CDH22: variants seen among roughly 807,000 people sequenced by gnomAD.
The protein encoded by CDH22 is cadherin-22.
A neutral mutation model predicts 58.4 loss-of-function variants in CDH22; 30 were observed. The observed-to-expected ratio is 0.51, with a 90% CI of 0.38 to 0.70. The LOEUF is 0.70. Ranked by LOEUF, CDH22 falls within the 30% of genes least tolerant of loss-of-function variation. The pLI, the probability that CDH22 is intolerant of heterozygous loss-of-function variation, is 0.00. For synonymous variants in CDH22, 513 were observed against 558.2 expected (o/e 0.92, Z 1.14); for missense variants, 1,014 against 1,233.9 (o/e 0.82, Z 2.67).
rs1032703300 is a variant in CDH22 at position 46,186,568 on chromosome 20, C to T, written c.1663+20G>A. 3.2e-6 allele frequency: 5 copies of T among 1,560,366 alleles called. No individual in the cohort carries two copies. The highest frequency in any genetic ancestry group is 3.5e-6 in the Non-Finnish European group (4 of 1,134,460). ...AGACTGTGCCCCTCCCTTCTTGCAT[C>T]CTAGGGTTTGGAGGCTCACCTTGGA... On this transcript the variant is annotated intron_variant, in intron 10 of 11. Coordinates refer to ENST00000537909, the MANE Select transcript of CDH22 (RefSeq NM_021248.3).
chr20:46,298,243 TC>T (rs1448237339), intron 1 of CDH22, among the ~76,000 whole-genome samples: 3 of 152,238 alleles, frequency 2.0e-5, no homozygotes, highest in Non-Finnish European at 4.4e-5. Context: ...ATTCCATTCT[TC>T]TTCACTTTGG....
In CDH22 at chr20:46,174,935, C is replaced by T. The variant is rs971364792; in HGVS notation, c.2058G>A (p.Ser686=). ...CGAAGTCGTAGAGGCTCCGCAGCGC[C>T]GACATGTCGTAGGCTTCGGTGTCCT... is the stretch of plus-strand genomic sequence containing the variant. ...GEQDTEAYDM[S]ALRSLYDFGE... is the part of the protein sequence containing the mutation. Residue 686 remains serine (S), a synonymous_variant, in exon 12 of 12, where the codon TCG becomes TCA. Transcript: ENST00000537909. This position sits in a 1 kb window ranked among gnomAD's most constrained non-coding sequence, Gnocchi z 4.4. 1 of 1,594,162 alleles carries T rather than the reference C, an allele frequency of 6.3e-7. No homozygotes were observed. The highest frequency in any genetic ancestry group is 1.7e-5 in the Admixed American group (1 of 59,228).
intron 1 of CDH22, among the ~76,000 whole-genome samples, chr20:46,254,554 CAAA>C (rs1257630029): frequency 9.5e-4 from 61 of 64,134 alleles, no homozygotes; most frequent in African/African-American, 2.8e-3. Context: ...AATTCCATCT[CAAA>C]AAAAAAAAAA....
chr20:46,183,821 T>C (rs987103194), intron 10 of CDH22, among the ~76,000 whole-genome samples: 2 of 152,106 alleles, frequency 1.3e-5, no homozygotes, highest in Non-Finnish European at 2.9e-5. Flanking sequence ...CCCAGACCTG[T>C]TCCAAGGCCA....
At chr20:46,211,387 C>T (rs1233838589) in intron 6 of CDH22, among the ~76,000 whole-genome samples, 1 of 152,210 alleles carries the variant, frequency 6.6e-6, no homozygotes, top group Non-Finnish European at 1.5e-5. Context: ...CAGAATCCCC[C>T]ACCCCCGACT....
In CDH22 at chr20:46,210,172, G is replaced by T. The variant is rs1037121859; in HGVS notation, c.1286+135C>A. 9.6e-6 allele frequency: 9 copies of T among 932,920 alleles called. No homozygotes were observed. Among genetic ancestry groups the T allele is most frequent in the Non-Finnish European group, 1.5e-6 (1 of 687,830 alleles). The allele number at this position is 932,920 out of a possible 1,614,324, so 57.8% of individuals were successfully genotyped here. Reference sequence around the variant, plus strand: ...TCTCTCCACCCGTGCGCCTCTCTCCGCGCCTCCCTCCCCCACGCAGCCCCT... The same window carrying T: ...TCTCTCCACCCGTGCGCCTCTCTCCTCGCCTCCCTCCCCCACGCAGCCCCT... On this transcript the variant is annotated intron_variant, in intron 7 of 11. Transcript: ENST00000537909. The surrounding 1 kb of genome is among the most constrained non-coding windows in gnomAD (Gnocchi z 4.5).
intron 1 of CDH22, among the ~76,000 whole-genome samples, chr20:46,277,029 C>T (rs11696236): frequency 0.19 from 28,439 of 152,072 alleles, 3,279 homozygotes; most frequent in Non-Finnish European, 0.24. Context: ...TGGCCTATGC[C>T]TGTAATCCCA....
chr20:46,276,436 G>A (rs971591289), intron 1 of CDH22, among the ~76,000 whole-genome samples: 4 of 152,178 alleles, frequency 2.6e-5, no homozygotes, highest in Non-Finnish European at 5.9e-5. Flanking sequence ...ATTGACAGTC[G>A]TGGGCGATTG....
At chr20:46,274,185 A>G (rs1376081378) in intron 1 of CDH22, among the ~76,000 whole-genome samples, 1 of 152,034 alleles carries the variant, frequency 6.6e-6, no homozygotes, top group Non-Finnish European at 1.5e-5. Flanking sequence ...TTAAACTGGG[A>G]ATTTTCATGC....
chr20:46,195,830 C>T (rs1273212904), intron 8 of CDH22, among the ~76,000 whole-genome samples: 4 of 152,180 alleles, frequency 2.6e-5, no homozygotes, highest in African/African-American at 4.8e-5. Flanking sequence ...CTAAGTGGCT[C>T]GGGAGTCTTT....
intron 1 of CDH22, among the ~76,000 whole-genome samples, chr20:46,264,438 C>A (rs918232832): frequency 1.3e-5 from 2 of 152,174 alleles, no homozygotes; most frequent in Non-Finnish European, 2.9e-5. Flanking sequence ...TGGTGCCATC[C>A]AATTAGCTAA....
rs1247434337 is a variant in CDH22 at position 46,174,483 on chromosome 20, C to T, written c.*23G>A. On this transcript the variant is annotated 3_prime_UTR_variant, in exon 12 of 12. Transcript: ENST00000537909. This position sits in a 1 kb window ranked among gnomAD's most constrained non-coding sequence, Gnocchi z 4.4. ...CGTGTGCTGGGCGGGTGAGCAGCCG[C>T]GCCCCGACGGCAGGGCGAGGGGCTA... is the stretch of plus-strand genomic sequence containing the variant. 2.1e-6 allele frequency: 3 copies of T among 1,435,064 alleles called. No homozygotes were observed. The highest frequency in any genetic ancestry group is 2.5e-4 in the Middle Eastern group (1 of 4,054). The allele number at this position is 1,435,064 out of a possible 1,614,324, so 88.9% of individuals were successfully genotyped here.
intron 8 of CDH22, among the ~76,000 whole-genome samples, chr20:46,197,910 C>T (rs1196490408): frequency 6.6e-6 from 1 of 151,964 alleles, no homozygotes; most frequent in Non-Finnish European, 1.5e-5. Flanking sequence ...AGAGGGCTGG[C>T]AGGAGGAGCT....
At chr20:46,290,025 T>C in intron 1 of CDH22, among the ~76,000 whole-genome samples, 1 of 152,208 alleles carries the variant, frequency 6.6e-6, no homozygotes, top group East Asian at 1.9e-4. Flanking sequence ...AAGCTTTGGA[T>C]TTAAAGTTAA....
At chr20:46,281,245 G>C (rs1276255057) in intron 1 of CDH22, among the ~76,000 whole-genome samples, 1 of 152,216 alleles carries the variant, frequency 6.6e-6, no homozygotes, top group Non-Finnish European at 1.5e-5. Context: ...ACTGCCTGGA[G>C]GCAGGGAGGC....
chr20:46,230,279 G>A (rs552237196), intron 3 of CDH22, among the ~76,000 whole-genome samples: 1 of 152,316 alleles, frequency 6.6e-6, no homozygotes, highest in East Asian at 1.9e-4. Context: ...TATAGACGCA[G>A]TGGTTTGTTG....
chr20:46,255,534 T>A (rs909680835), intron 1 of CDH22, among the ~76,000 whole-genome samples: 1 of 152,178 alleles, frequency 6.6e-6, no homozygotes, highest in African/African-American at 2.4e-5. Flanking sequence ...TCTGTACTAC[T>A]GTTTGAGGGT....
At chr20:46,272,523 C>T (rs914916832) in intron 1 of CDH22, among the ~76,000 whole-genome samples, 9 of 152,110 alleles carry the variant, frequency 5.9e-5, no homozygotes, top group South Asian at 2.1e-4. Context: ...GGGCACACCA[C>T]CATCAGAGAT....
intron 1 of CDH22, among the ~76,000 whole-genome samples, chr20:46,255,533 C>T (rs984445958): frequency 6.6e-6 from 1 of 152,208 alleles, no homozygotes; most frequent in African/African-American, 2.4e-5. Context: ...ATCTGTACTA[C>T]TGTTTGAGGG....
Sources: gnomAD v4.1 joint callset for allele counts (sites outside exome capture counted in the v4.1 genomes callset) on GRCh38, gnomAD v4.1.1 for gene constraint, Gnocchi (gnomAD v3.1) non-coding constraint, MANE v1.5 for transcripts, NCBI Gene and HGNC (gene_info 2026-07-23, HGNC 2026-07-21) for gene names.